ADARB2: variants seen among roughly 807,000 people sequenced by gnomAD.
The protein encoded by ADARB2 is inactive double-stranded RNA-specific editase B2.
In ADARB2, 25 loss-of-function variants were observed where a neutral mutation model predicts 62.2. The observed-to-expected ratio is 0.40, with a 90% CI of 0.29 to 0.56. ADARB2 has a LOEUF of 0.56. ADARB2 is among the 20% of genes least tolerant of loss of function. ADARB2 has a pLI of 0.43. For synonymous variants in ADARB2, 572 were observed against 500.8 expected (o/e 1.14, Z -1.90); for missense variants, 1,071 against 1,077.4 (o/e 0.99, Z 0.08).
At chr10:1,715,879 C>A (rs1835010583) in intron 1 of ADARB2, among the ~76,000 whole-genome samples, 1 of 152,210 alleles carries the variant, frequency 6.6e-6, no homozygotes, top group African/African-American at 2.4e-5. Context: ...TCTGCACACC[C>A]TTCCGAACAG....
intron 1 of ADARB2, among the ~76,000 whole-genome samples, chr10:1,508,507 C>T (rs1199129811): frequency 6.6e-6 from 1 of 152,204 alleles, no homozygotes; most frequent in African/African-American, 2.4e-5. Context: ...TAGCTGGGCA[C>T]AGTGGCTCAC....
chr10:1,276,047 G>A (rs1373555721), intron 3 of ADARB2, among the ~76,000 whole-genome samples: 1 of 152,100 alleles, frequency 6.6e-6, no homozygotes, highest in African/African-American at 2.4e-5. Flanking sequence ...AGGTCAAATG[G>A]TATTTCTAGT....
At chr10:1,275,070 C>T (rs955833976) in intron 3 of ADARB2, among the ~76,000 whole-genome samples, 2 of 152,240 alleles carry the variant, frequency 1.3e-5, no homozygotes, top group Non-Finnish European at 2.9e-5. Flanking sequence ...ATGAACCAAG[C>T]AGCGTGAGCC....
chr10:1,645,711 C>T (rs552961687), intron 1 of ADARB2, among the ~76,000 whole-genome samples: 24 of 150,698 alleles, frequency 1.6e-4, no homozygotes, highest in Admixed American at 2.0e-4. Context: ...CTCCCACCTC[C>T]CTGCCATCTA....
At chr10:1,707,502 A>C (rs1260991734) in intron 1 of ADARB2, among the ~76,000 whole-genome samples, 1 of 152,186 alleles carries the variant, frequency 6.6e-6, no homozygotes, top group Non-Finnish European at 1.5e-5. Context: ...GTAGCCTTTG[A>C]GACGTCCTGA....
At chr10:1,197,286 C>T (rs1836923610) in intron 8 of ADARB2, among the ~76,000 whole-genome samples, 1 of 151,942 alleles carries the variant, frequency 6.6e-6, no homozygotes, top group South Asian at 2.1e-4. Flanking sequence ...AATCTGGACT[C>T]ATAAAAAAAA....
intron 3 of ADARB2, among the ~76,000 whole-genome samples, chr10:1,340,925 G>A (rs1407221260): frequency 1.3e-5 from 2 of 150,888 alleles, no homozygotes; most frequent in East Asian, 2.0e-4. Context: ...AGAGAACAAA[G>A]TGTCCCGCAG....
At chr10:1,228,421 A>C (rs1041625290) in intron 6 of ADARB2, among the ~76,000 whole-genome samples, 2 of 152,216 alleles carry the variant, frequency 1.3e-5, no homozygotes, top group East Asian at 3.8e-4. Flanking sequence ...GCTCTTTCAG[A>C]ACTGCCTGAG....
chr10:1,516,084 G>A (rs1487940859), intron 1 of ADARB2, among the ~76,000 whole-genome samples: 7 of 152,198 alleles, frequency 4.6e-5, no homozygotes, highest in Admixed American at 4.6e-4. Flanking sequence ...ATCAGACCAG[G>A]GGTGCCCTGA....
At chr10:1,270,220 T>G (rs566858815) in intron 4 of ADARB2, among the ~76,000 whole-genome samples, 1 of 152,196 alleles carries the variant, frequency 6.6e-6, no homozygotes, top group Non-Finnish European at 1.5e-5. Context: ...TGTTTGTATG[T>G]CAGCTCGATG....
intron 1 of ADARB2, among the ~76,000 whole-genome samples, chr10:1,513,191 T>C (rs1451908392): frequency 6.6e-6 from 1 of 152,218 alleles, no homozygotes; most frequent in Non-Finnish European, 1.5e-5. Context: ...ACCTTAGATA[T>C]ATACAATAAC....
intron 1 of ADARB2, among the ~76,000 whole-genome samples, chr10:1,722,801 C>G (rs1412336439): frequency 1.3e-5 from 2 of 152,134 alleles, no homozygotes; most frequent in Admixed American, 6.5e-5. Context: ...AGACGTTTGC[C>G]TATCTGAATC....
rs564769717 is a variant in ADARB2, at chr10:1,692,151, A to T, written c.100+44900T>A. Among the ~76,000 whole-genome samples the T allele has an allele frequency of 3.3e-5, 5 of 152,332 alleles. No individual in the cohort carries two copies. The East Asian group carries it at 5.8e-4, about 18-fold the overall frequency. ...CATTTCTGTCATCAGGAGCAACAGCAAGTGTCTGAGGATTAGAGGTTAGAA... is the reference window on the plus strand; with the variant it reads ...CATTTCTGTCATCAGGAGCAACAGCTAGTGTCTGAGGATTAGAGGTTAGAA... On this transcript the variant is annotated intron_variant, in intron 1 of 9. Transcript: ENST00000381312.
chr10:1,604,854 C>G (rs1027764872), intron 1 of ADARB2, among the ~76,000 whole-genome samples: 3 of 152,198 alleles, frequency 2.0e-5, no homozygotes, highest in African/African-American at 4.8e-5. Context: ...GTGAGGACGT[C>G]TGTGTGCATG....
chr10:1,273,608 A>G (rs1441780646), intron 3 of ADARB2, among the ~76,000 whole-genome samples: 3 of 152,186 alleles, frequency 2.0e-5, no homozygotes, highest in Admixed American at 6.5e-5. Context: ...TGTGCCCCCC[A>G]CGACCTTGCA....
chr10:1,394,707 A>G (rs1314772230), intron 1 of ADARB2, among the ~76,000 whole-genome samples: 1 of 152,118 alleles, frequency 6.6e-6, no homozygotes, highest in Non-Finnish European at 1.5e-5. Context: ...GTCACTGACA[A>G]CCTGCCTGGG....
rs117277813 is a variant in ADARB2 at position 1,278,773 on chromosome 10, C to T, written c.1078-7704G>A. On this transcript the variant is annotated intron_variant, in intron 3 of 9. Transcript: ENST00000381312. ...ACTCCAGCAACATTCATGTAGGGGT[C>T]GACTCATGTTTTTTCCTGCATGATT... Among the ~76,000 whole-genome samples the T allele has an allele frequency of 9.1e-4, 138 of 152,136 alleles. 2 individuals are homozygous for T. In the East Asian group the frequency reaches 0.025, roughly 28 times the overall value.
At chr10:1,221,805 A>G (rs1830698275) in intron 6 of ADARB2, among the ~76,000 whole-genome samples, 1 of 151,962 alleles carries the variant, frequency 6.6e-6, no homozygotes, top group South Asian at 2.1e-4. Flanking sequence ...CATTTTCTTA[A>G]TCCAGTCTAT....
chr10:1,600,796 C>A (rs745872441), intron 1 of ADARB2, among the ~76,000 whole-genome samples: 27 of 151,354 alleles, frequency 1.8e-4, no homozygotes, highest in Non-Finnish European at 4.0e-4. Context: ...GGGAACTTAA[C>A]AACAGCACAT....
Sources: gnomAD v4.1 joint callset for allele counts (sites outside exome capture counted in the v4.1 genomes callset) on GRCh38, gnomAD v4.1.1 for gene constraint, MANE v1.5 for transcripts, NCBI Gene and HGNC (gene_info 2026-07-23, HGNC 2026-07-21) for gene names.